The following ATP11B variants were observed in gnomAD, a reference collection of about 807,000 sequenced individuals.
ATP11B encodes ATPase phospholipid transporting 11B (putative), also known as phospholipid-transporting ATPase IF.
ATP11B carries 81 observed loss-of-function variants against 157.8 expected under a neutral mutation model. The observed-to-expected ratio is 0.51, with a 90% CI of 0.43 to 0.62. The LOEUF is 0.62. Among genes scored for constraint, ATP11B ranks in the 20% least tolerant of loss-of-function variants. The pLI is 0.00. For missense variants in ATP11B, 1,165 were observed against 1,402.2 expected (o/e 0.83, Z 2.70); for synonymous variants, 451 against 469.4 (o/e 0.96, Z 0.51).
chr3:182,829,526 C>T (rs1717970248), intron 3 of ATP11B, 146 bp from the exon 4 acceptor site: 1 of 628,508 alleles, frequency 1.6e-6, no homozygotes, highest in Non-Finnish European at 2.8e-6. Flanking sequence ...AAATAGTCTT[C>T]CAACCCCACA....
At chr3:182,832,391 A>T (rs1443951637) in intron 4 of ATP11B, among the ~76,000 whole-genome samples, 5 of 152,308 alleles carry the variant, frequency 3.3e-5, no homozygotes, top group African/African-American at 4.8e-5. Context: ...CAAAATTTTG[A>T]CACTCAGAGT....
chr3:182,837,195 T>C (rs1718620406), intron 7 of ATP11B, 21 bp downstream of exon 7: 1 of 1,506,732 alleles, frequency 6.6e-7, no homozygotes, highest in African/African-American at 1.4e-5. Context: ...ATATTCAGTA[T>C]ACTTATTTTA....
At chr3:182,872,806 A>G (rs540177698) in intron 18 of ATP11B, among the ~76,000 whole-genome samples, 1 of 152,306 alleles carries the variant, frequency 6.6e-6, no homozygotes, top group East Asian at 1.9e-4. Context: ...TCATGCAAAC[A>G]CTTGAAGCAC....
At position 182,860,761 on chromosome 3, in the gene ATP11B, C is replaced by T. The variant is rs553988209; in HGVS notation, c.1200+1402C>T. 5.3e-5 allele frequency among the ~76,000 whole-genome samples: 8 copies of T among 152,114 alleles called. No individual in the cohort carries two copies. In the South Asian group the frequency reaches 1.7e-3, roughly 32 times the overall value. ...TTCAGTATCTTTTGATTTATTTCTGCTATAATATTTTTAATTTCTAATATT... is the reference window on the plus strand; with the variant it reads ...TTCAGTATCTTTTGATTTATTTCTGTTATAATATTTTTAATTTCTAATATT... On this transcript the variant is annotated intron_variant, in intron 12 of 29. Coordinates refer to ENST00000323116, the MANE Select transcript of ATP11B (RefSeq NM_014616.3).
intron 8 of ATP11B, chr3:182,843,661 C>T (rs1473519808): frequency 6.6e-6 from 1 of 152,112 alleles, no homozygotes; most frequent in East Asian, 1.9e-4. Context: ...GATATGATTA[C>T]GTTGTTACTC....
At chr3:182,859,928 C>G (rs1447806125) in intron 12 of ATP11B, among the ~76,000 whole-genome samples, 1 of 147,160 alleles carries the variant, frequency 6.8e-6, no homozygotes, top group Non-Finnish European at 1.5e-5. Context: ...CTAGAAGTTC[C>G]TTTCTTCCTC....
chr3:182,878,448 T>G (rs369889846), intron 19 of ATP11B, among the ~76,000 whole-genome samples: 2 of 152,202 alleles, frequency 1.3e-5, no homozygotes, highest in African/African-American at 4.8e-5. Context: ...GGAGCTTACA[T>G]CAAAATGTAA....
intron 1 of ATP11B, among the ~76,000 whole-genome samples, chr3:182,804,249 C>A (rs1370667091): frequency 6.9e-6 from 1 of 144,586 alleles, no homozygotes; most frequent in Admixed American, 6.8e-5. Context: ...TTTTTTTTTT[C>A]TTTTTTTTTC....
Position 182,793,753 on chromosome 3 carries a change from CG to C in ATP11B, c.-2del, listed in dbSNP as rs1560047265. On this transcript the variant is annotated 5_prime_UTR_variant, in exon 1 of 30. Coordinates refer to ENST00000323116, the MANE Select transcript of ATP11B (RefSeq NM_014616.3). ...CCCCGCGGGACCCGGACGGCGACGA[CG>C]GGGGAATGTGGCGCTGGATCCGGCA... 5.7e-6 allele frequency: 8 copies of C among 1,410,236 alleles called. No homozygotes were observed. Among genetic ancestry groups the C allele is most frequent in the South Asian group, 1.4e-5 (1 of 72,068 alleles). The allele number at this position is 1,410,236 out of a possible 1,614,324, so 87.4% of individuals were successfully genotyped here. A position where few individuals can be genotyped will look rare whatever the true frequency, so the allele number is the denominator to read the frequency against.
intron 1 of ATP11B, among the ~76,000 whole-genome samples, chr3:182,806,519 T>C (rs1716339699): frequency 6.6e-6 from 1 of 152,110 alleles, no homozygotes; most frequent in Non-Finnish European, 1.5e-5. Flanking sequence ...CTATGGCTCT[T>C]TTCTTATTCT....
intron 17 of ATP11B, among the ~76,000 whole-genome samples, chr3:182,870,934 A>C (rs1409833065): frequency 7.5e-5 from 11 of 146,054 alleles, no homozygotes; most frequent in Admixed American, 7.5e-4. Flanking sequence ...TCTGAAAAAA[A>C]AAAAAAAAAA....
chr3:182,827,693 T>C (rs2108503969), intron 2 of ATP11B, among the ~76,000 whole-genome samples: 1 of 151,912 alleles, frequency 6.6e-6, no homozygotes, highest in East Asian at 1.9e-4. Context: ...ATTTCCTCTG[T>C]TTCTGATGCT....
intron 1 of ATP11B, among the ~76,000 whole-genome samples, chr3:182,805,487 T>G (rs2108486574): frequency 6.6e-6 from 1 of 151,994 alleles, no homozygotes; most frequent in South Asian, 2.1e-4. Flanking sequence ...GGAGTTTCAC[T>G]CTTGTTGCCC....
chr3:182,807,126 A>G (rs1485027838), intron 1 of ATP11B, among the ~76,000 whole-genome samples: 1 of 152,214 alleles, frequency 6.6e-6, no homozygotes, highest in Non-Finnish European at 1.5e-5. Context: ...CCAATAGCCA[A>G]TTAGTGTCAC....
At chr3:182,854,678 G>C (rs570793833) in intron 10 of ATP11B, among the ~76,000 whole-genome samples, 1 of 152,012 alleles carries the variant, frequency 6.6e-6, no homozygotes, top group African/African-American at 2.4e-5. Context: ...TACAAACTGG[G>C]AGACAATATT....
intron 4 of ATP11B, 39 bp from the exon 5 acceptor site, chr3:182,835,996 A>T (rs185308547): frequency 1.3e-6 from 2 of 1,517,236 alleles, no homozygotes; most frequent in Admixed American, 3.9e-5. Context: ...TCTTCAAATT[A>T]TACTGAAAAA....
intron 28 of ATP11B, among the ~76,000 whole-genome samples, chr3:182,911,062 T>C (rs568602607): frequency 1.3e-5 from 2 of 152,324 alleles, no homozygotes; most frequent in African/African-American, 4.8e-5. Context: ...TATTTCTTCA[T>C]GGGCCAGTAA....
At chr3:182,917,107 G>T in intron 29 of ATP11B, 2 of 985,254 alleles carry the variant, frequency 2.0e-6, no homozygotes, top group Non-Finnish European at 2.4e-6. Flanking sequence ...AGCATCTCTG[G>T]GAAAGAGAAA....
chr3:182,840,971 C>T (rs1695907389), intron 7 of ATP11B, among the ~76,000 whole-genome samples: 1 of 152,134 alleles, frequency 6.6e-6, no homozygotes, highest in African/African-American at 2.4e-5. Context: ...ATAACCATCT[C>T]TAGGATCTGC....
Sources: allele counts gnomAD v4.1 joint callset (sites outside exome capture counted in the v4.1 genomes callset), GRCh38; gene constraint gnomAD v4.1.1; transcripts MANE v1.5; gene names NCBI Gene and HGNC (gene_info 2026-07-23, HGNC 2026-07-21).